CTNNA2: variants seen among roughly 807,000 people sequenced by gnomAD.
The protein encoded by CTNNA2 is catenin alpha 2.
CTNNA2 carries 42 observed loss-of-function variants against 101.0 expected under a neutral mutation model. The ratio of observed to expected loss-of-function variants is 0.42; its 90% CI spans 0.32 to 0.54. The LOEUF (loss-of-function observed/expected upper bound fraction) is 0.54, where lower values mean the gene tolerates loss of function less well. Ranked by LOEUF, CTNNA2 falls within the 20% of genes least tolerant of loss-of-function variation. CTNNA2 has a pLI of 0.14. For missense variants in CTNNA2, 871 were observed against 1,223.1 expected (o/e 0.71, Z 4.29); for synonymous variants, 450 against 456.4 (o/e 0.99, Z 0.18).
intron 9 of CTNNA2, among the ~76,000 whole-genome samples, chr2:80,469,937 T>C (rs757967615): frequency 2.6e-5 from 4 of 152,176 alleles, no homozygotes; most frequent in Non-Finnish European, 5.9e-5. Context: ...CTTGAAAAGG[T>C]CCCACTTTTT....
intron 7 of CTNNA2, among the ~76,000 whole-genome samples, chr2:80,257,241 A>G (rs963650375): frequency 6.6e-6 from 1 of 151,646 alleles, no homozygotes; most frequent in African/African-American, 2.4e-5. Flanking sequence ...TGTAAAATAT[A>G]TGTATATAAA....
At chr2:80,532,288 A>G (rs1004734215) in intron 9 of CTNNA2, among the ~76,000 whole-genome samples, 2 of 152,164 alleles carry the variant, frequency 1.3e-5, no homozygotes, top group Non-Finnish European at 2.9e-5. Flanking sequence ...AATAACTCAT[A>G]CATTTTAAAT....
At chr2:80,246,339 T>C (rs1421553012) in intron 7 of CTNNA2, among the ~76,000 whole-genome samples, 1 of 152,232 alleles carries the variant, frequency 6.6e-6, no homozygotes, top group East Asian at 1.9e-4. Context: ...CTATTGGAAG[T>C]AGCAAGGTAA....
chr2:79,303,164 C>T (rs997858238), intron 2 of CTNNA2, among the ~76,000 whole-genome samples: 2 of 152,114 alleles, frequency 1.3e-5, no homozygotes, highest in African/African-American at 4.8e-5. Context: ...GGAAAATCAA[C>T]CTTGTCTCAT....
chr2:79,716,416 T>C (rs1353922967), intron 2 of CTNNA2, among the ~76,000 whole-genome samples: 1 of 152,164 alleles, frequency 6.6e-6, no homozygotes, highest in Non-Finnish European at 1.5e-5. Context: ...CCATTAGCTA[T>C]GTAAGCTATG....
intron 9 of CTNNA2, among the ~76,000 whole-genome samples, chr2:80,510,715 A>G (rs1573081606): frequency 6.6e-6 from 1 of 152,218 alleles, no homozygotes; most frequent in East Asian, 1.9e-4. Context: ...AGAAACCTGA[A>G]AAGGTATAAC....
At chr2:79,366,087 T>C (rs1012823118) in intron 3 of CTNNA2, among the ~76,000 whole-genome samples, 2 of 152,214 alleles carry the variant, frequency 1.3e-5, no homozygotes, top group African/African-American at 4.8e-5. Flanking sequence ...AGAAGCCTCG[T>C]TGTTCTCTGC....
At chr2:79,195,131 C>T (rs1208456195) in intron 1 of CTNNA2, among the ~76,000 whole-genome samples, 2 of 152,130 alleles carry the variant, frequency 1.3e-5, no homozygotes, top group Non-Finnish European at 2.9e-5. Flanking sequence ...CCCATCTCTG[C>T]GTGACTATTG....
At chr2:79,994,010 A>T (rs1327521324) in intron 7 of CTNNA2, among the ~76,000 whole-genome samples, 1 of 151,696 alleles carries the variant, frequency 6.6e-6, no homozygotes, top group Non-Finnish European at 1.5e-5. Flanking sequence ...CTGAAACGAT[A>T]CTCCCGCCTT....
chr2:80,616,706 A>C (rs1698883044), intron 17 of CTNNA2, among the ~76,000 whole-genome samples: 1 of 146,744 alleles, frequency 6.8e-6, no homozygotes, highest in Non-Finnish European at 1.5e-5. Flanking sequence ...CTACAGTTGG[A>C]GTAGAGCTTA....
At position 79,930,108 on chromosome 2, in the gene CTNNA2, G is replaced by A. The variant is rs190495719; in HGVS notation, c.1056+20311G>A. ...AAAAATTAGCCGGGTGTGGTGGTGC[G>A]CACCTGTAGTCCCAGCTTCTTGGGA... On this transcript the variant is annotated intron_variant, in intron 7 of 18. Transcript: ENST00000402739. Among the ~76,000 whole-genome samples the A allele has an allele frequency of 6.3e-3, 958 of 151,872 alleles. 9 individuals are homozygous for A. The highest frequency in any genetic ancestry group is 0.022 in the African/African-American group (910 of 41,412).
intron 8 of CTNNA2, among the ~76,000 whole-genome samples, chr2:80,410,879 G>C (rs1214304398): frequency 1.3e-5 from 2 of 152,152 alleles, no homozygotes; most frequent in Admixed American, 6.5e-5. Context: ...ATAGACTATG[G>C]AAAAGATGTA....
rs917585682 is a variant in CTNNA2, at chr2:79,673,385, A to G, written c.102+21727A>G. 2.6e-5 allele frequency among the ~76,000 whole-genome samples: 4 copies of G among 152,250 alleles called. No homozygotes were observed. In the South Asian group the frequency reaches 8.3e-4, roughly 32 times the overall value. On this transcript the variant is annotated intron_variant, in intron 2 of 18. Transcript: ENST00000402739. ...TACCTTTATCTTTTTAAAAATATAA[A>G]CTTGAATTTCCATATATTGGGATTA... is the stretch of plus-strand genomic sequence containing the variant.
chr2:79,801,628 A>G (rs1298712231), intron 3 of CTNNA2, among the ~76,000 whole-genome samples: 1 of 152,184 alleles, frequency 6.6e-6, no homozygotes, highest in Non-Finnish European at 1.5e-5. Context: ...TGGTTCTTGA[A>G]TACAAAATTA....
intron 9 of CTNNA2, among the ~76,000 whole-genome samples, chr2:80,496,697 A>G (rs1309642374): frequency 6.6e-6 from 1 of 152,106 alleles, no homozygotes; most frequent in Non-Finnish European, 1.5e-5. Context: ...TTGCATGATG[A>G]TTCTTATTAT....
intron 7 of CTNNA2, among the ~76,000 whole-genome samples, chr2:80,099,888 C>A (rs367557899): frequency 6.7e-4 from 102 of 152,058 alleles, no homozygotes; most frequent in African/African-American, 2.4e-3. Context: ...GACCCTAGAA[C>A]TATAGTATCA....
intron 1 of CTNNA2, chr2:79,195,876 T>C (rs764709969): frequency 2.0e-6 from 1 of 504,564 alleles, no homozygotes; most frequent in South Asian, 1.5e-5. Flanking sequence ...AAAAGGTAAA[T>C]AAGAAATTAG....
chr2:79,885,823 A>G (rs977353128), intron 6 of CTNNA2, among the ~76,000 whole-genome samples: 8 of 152,214 alleles, frequency 5.3e-5, no homozygotes, highest in African/African-American at 1.9e-4. Flanking sequence ...AGAAGTAACC[A>G]AGAACACTGG....
chr2:80,510,547 A>G (rs1367623879), intron 9 of CTNNA2, among the ~76,000 whole-genome samples: 2 of 152,302 alleles, frequency 1.3e-5, no homozygotes, highest in East Asian at 3.9e-4. Context: ...TATATCATAC[A>G]TGCCAATGGT....
Sources: gnomAD v4.1 joint callset for allele counts (sites outside exome capture counted in the v4.1 genomes callset) on GRCh38, gnomAD v4.1.1 for gene constraint, MANE v1.5 for transcripts, NCBI Gene and HGNC (gene_info 2026-07-23, HGNC 2026-07-21) for gene names.